Variants in ABCC4 observed in about 807,000 individuals in gnomAD.
ABCC4 encodes ATP-binding cassette sub-family C member 4.
ABCC4 carries 102 observed loss-of-function variants against 168.5 expected under a neutral mutation model. The observed-to-expected ratio is 0.61, with a 90% CI of 0.52 to 0.71. The LOEUF is 0.71. Among genes scored for constraint, ABCC4 ranks in the 30% least tolerant of loss-of-function variants. ABCC4 has a pLI of 0.00. For missense variants in ABCC4, 1,402 were observed against 1,605.8 expected (o/e 0.87, Z 2.17); for synonymous variants, 617 against 590.7 (o/e 1.04, Z -0.65).
intron 21 of ABCC4, among the ~76,000 whole-genome samples, chr13:95,079,829 A>G (rs1241015705): frequency 6.6e-6 from 1 of 152,022 alleles, no homozygotes; most frequent in Non-Finnish European, 1.5e-5. Context: ...GAGTGAGACT[A>G]TGTCTCAAAA....
chr13:95,288,696 C>G (rs1207324761), intron 1 of ABCC4, among the ~76,000 whole-genome samples: 1 of 151,942 alleles, frequency 6.6e-6, no homozygotes, highest in Non-Finnish European at 1.5e-5. Context: ...ATTCCAGCTA[C>G]TCGGGAGGCT....
At chr13:95,039,408 T>C (rs1483018622) in intron 29 of ABCC4, among the ~76,000 whole-genome samples, 1 of 152,196 alleles carries the variant, frequency 6.6e-6, no homozygotes, top group East Asian at 1.9e-4. Flanking sequence ...AATTTTCTTT[T>C]TGTACAGAAA....
chr13:95,209,070 C>T (rs2038871276), intron 6 of ABCC4, among the ~76,000 whole-genome samples: 1 of 152,180 alleles, frequency 6.6e-6, no homozygotes, highest in Non-Finnish European at 1.5e-5. Context: ...ACAGCTCTAA[C>T]ACAAGCACGG....
intron 30 of ABCC4, among the ~76,000 whole-genome samples, chr13:95,023,985 T>C (rs918021491): frequency 1.3e-5 from 2 of 152,074 alleles, no homozygotes; most frequent in African/African-American, 4.8e-5. Context: ...GGCAGGTGGA[T>C]CACTTGAGGT....
At chr13:95,196,619 A>G (rs1419738384) in intron 8 of ABCC4, among the ~76,000 whole-genome samples, 3 of 7,298 alleles carry the variant, frequency 4.1e-4, no homozygotes, top group African/African-American at 1.6e-3. Context: ...GAAGGAAGGA[A>G]GGAAGGAAGG....
chr13:95,134,441 A>G (rs751183601), intron 19 of ABCC4, among the ~76,000 whole-genome samples: 2 of 152,150 alleles, frequency 1.3e-5, no homozygotes, highest in African/African-American at 4.8e-5. Context: ...TATGTAGTGA[A>G]GGAAATGTGA....
At chr13:95,024,896 G>T (rs1174686458) in intron 30 of ABCC4, among the ~76,000 whole-genome samples, 1 of 151,996 alleles carries the variant, frequency 6.6e-6, no homozygotes, top group Non-Finnish European at 1.5e-5. Context: ...AGCCTGAATG[G>T]TAAAATATCA....
In ABCC4 at chr13:95,071,650, C is replaced by T. The variant is rs1387197893; in HGVS notation, c.3210+12G>A. ...TCTGAAATTGAGAAGAGGCAAGATG[C>T]TTTAAACAAACCTTTTCTTGTGATT... On this transcript the variant is annotated intron_variant, in intron 25 of 30. Coordinates refer to ENST00000645237, the MANE Select transcript of ABCC4 (RefSeq NM_005845.5). The T allele has an allele frequency of 2.8e-6, 4 of 1,409,668 alleles. No individual in the cohort carries two copies. Among genetic ancestry groups the T allele is most frequent in the Non-Finnish European group, 3.7e-6 (4 of 1,076,124 alleles). 87.3% of individuals were successfully genotyped at this position (1,409,668 alleles called of 1,614,324 possible). A position where few individuals can be genotyped will look rare whatever the true frequency, so the allele number is the denominator to read the frequency against.
At chr13:95,087,115 T>C (rs773802912) in intron 20 of ABCC4, among the ~76,000 whole-genome samples, 2 of 149,762 alleles carry the variant, frequency 1.3e-5, no homozygotes, top group Non-Finnish European at 3.0e-5. Context: ...GAGAAAAAAA[T>C]TGCCCACTAG....
At chr13:95,127,618 C>T (rs916955215) in intron 19 of ABCC4, among the ~76,000 whole-genome samples, 7 of 152,138 alleles carry the variant, frequency 4.6e-5, no homozygotes, top group Non-Finnish European at 8.8e-5. Context: ...TCCACTCCTG[C>T]TACCCTGCCC....
intron 20 of ABCC4, among the ~76,000 whole-genome samples, chr13:95,094,566 T>C (rs1377948838): frequency 1.3e-5 from 2 of 152,126 alleles, no homozygotes; most frequent in African/African-American, 4.8e-5. Context: ...CTATAAAAAT[T>C]CTAGAAGATA....
chr13:95,183,764 A>T (rs1005973595), intron 11 of ABCC4, among the ~76,000 whole-genome samples: 4 of 152,120 alleles, frequency 2.6e-5, no homozygotes, highest in African/African-American at 9.7e-5. Flanking sequence ...GTACAAAAAA[A>T]TTAGCCAGGC....
At chr13:95,125,047 C>T (rs1235513454) in intron 19 of ABCC4, among the ~76,000 whole-genome samples, 1 of 152,068 alleles carries the variant, frequency 6.6e-6, no homozygotes, top group Non-Finnish European at 1.5e-5. Context: ...AAACCACATA[C>T]AGCACCTCAA....
chr13:95,024,927 C>G (rs2031314340), intron 30 of ABCC4, among the ~76,000 whole-genome samples: 1 of 151,988 alleles, frequency 6.6e-6, no homozygotes, highest in South Asian at 2.1e-4. Context: ...CCATATGCAA[C>G]TGGAACCAAT....
intron 4 of ABCC4, among the ~76,000 whole-genome samples, chr13:95,229,888 A>G (rs542484606): frequency 6.6e-6 from 1 of 152,284 alleles, no homozygotes; most frequent in East Asian, 1.9e-4. Context: ...TTCCTCCAAC[A>G]TGGAGCCAAC....
chr13:95,070,494 GC>G (rs1272971978), intron 25 of ABCC4, among the ~76,000 whole-genome samples: 1 of 152,132 alleles, frequency 6.6e-6, no homozygotes, highest in Admixed American at 6.5e-5. Context: ...CTAGCCAAGG[GC>G]CCCAGGACAC....
chr13:95,173,091 C>T (rs1292818323), intron 13 of ABCC4, among the ~76,000 whole-genome samples: 2 of 146,642 alleles, frequency 1.4e-5, no homozygotes, highest in East Asian at 2.0e-4. Flanking sequence ...CGTGTAGGGA[C>T]ACTCACTACA....
intron 8 of ABCC4, among the ~76,000 whole-genome samples, chr13:95,198,893 G>C (rs1241495909): frequency 6.6e-6 from 1 of 152,124 alleles, no homozygotes; most frequent in East Asian, 1.9e-4. Context: ...TCACTCATAA[G>C]TGAGAGTTGA....
intron 21 of ABCC4, among the ~76,000 whole-genome samples, chr13:95,079,897 CA>C (rs765602151): frequency 3.9e-5 from 6 of 152,168 alleles, no homozygotes; most frequent in African/African-American, 9.7e-5. Context: ...GTAAGCCATG[CA>C]AGTGGTAGAC....
Sources: allele counts gnomAD v4.1 joint callset (sites outside exome capture counted in the v4.1 genomes callset), GRCh38; gene constraint gnomAD v4.1.1; transcripts MANE v1.5; gene names NCBI Gene and HGNC (gene_info 2026-07-23, HGNC 2026-07-21).